The following PFKM variants were observed in gnomAD, a reference collection of about 807,000 sequenced individuals.
PFKM encodes the protein ATP-dependent 6-phosphofructokinase, muscle type.
In PFKM, 58 loss-of-function variants were observed where a neutral mutation model predicts 95.5. The ratio of observed to expected loss-of-function variants is 0.61; its 90% CI spans 0.49 to 0.76. The LOEUF is 0.76. Ranked by LOEUF, PFKM falls within the 30% of genes least tolerant of loss-of-function variation. The pLI is 0.00. For missense variants in PFKM, 678 were observed against 1,005.4 expected (o/e 0.67, Z 4.40); for synonymous variants, 336 against 357.2 (o/e 0.94, Z 0.67).
chr12:48,118,190 T>A (rs1947846628), upstream of PFKM, among the ~76,000 whole-genome samples: 1 of 152,160 alleles, frequency 6.6e-6, no homozygotes, highest in Non-Finnish European at 1.5e-5. Flanking sequence ...CTGAACTAGT[T>A]TTTCAGATTA....
intron 3 of PFKM, among the ~76,000 whole-genome samples, chr12:48,114,047 C>T (rs7302354): frequency 0.19 from 28,379 of 152,016 alleles, 3,246 homozygotes; most frequent in African/African-American, 0.32. Flanking sequence ...CATGTAGTCT[C>T]GCCTAGCTAT....
At chr12:48,140,046 C>A in intron 13 of PFKM, 134 bp downstream of exon 13, 1 of 675,436 alleles carries the variant, frequency 1.5e-6, no homozygotes, top group Non-Finnish European at 2.7e-6. Context: ...AGTGCTGGGT[C>A]CCTGGCCCTA....
At chr12:48,121,183 T>C (rs917580318) in intron 1 of PFKM, among the ~76,000 whole-genome samples, 1 of 152,198 alleles carries the variant, frequency 6.6e-6, no homozygotes, top group Non-Finnish European at 1.5e-5. Flanking sequence ...CAACTATCAC[T>C]GGTCTTAAAT....
At chr12:48,138,100 T>G (rs1033015390) in intron 11 of PFKM, among the ~76,000 whole-genome samples, 1 of 152,190 alleles carries the variant, frequency 6.6e-6, no homozygotes, top group African/African-American at 2.4e-5. Flanking sequence ...TGAAACCCAG[T>G]ATCTCATAAT....
intron 5 of PFKM, 76 bp from the exon 6 acceptor site, chr12:48,133,239 T>C (rs1224680117): frequency 1.6e-5 from 22 of 1,391,708 alleles, no homozygotes; most frequent in Non-Finnish European, 2.1e-5. Context: ...CTAGAGTTTC[T>C]CTCTCTCTAG....
At position 48,134,760 on chromosome 12, in the gene PFKM, C is replaced by A. The variant is rs1949902822; in HGVS notation, c.678C>A (p.Asp226Glu). ...ALVTSLSCGADWVFIPECPPD... is the reference protein window; with the variant it reads ...ALVTSLSCGAEWVFIPECPPD... ...TCACCTCTCTGTCCTGTGGGGCCGACTGGGTTTTTATTCCTGAATGTCCAC... is the reference window on the plus strand; with the variant it reads ...TCACCTCTCTGTCCTGTGGGGCCGAATGGGTTTTTATTCCTGAATGTCCAC... Residue 226 changes from aspartate to glutamate, a missense_variant, in exon 8 of 23, where the codon GAC becomes GAA. Coordinates refer to ENST00000359794, the MANE Select transcript of PFKM (RefSeq NM_000289.6). 1.2e-6 allele frequency: 2 copies of A among 1,614,068 alleles called. No individual in the cohort carries two copies. Among genetic ancestry groups the A allele is most frequent in the African/African-American group, 2.7e-5 (2 of 74,934 alleles).
chr12:48,130,255 A>G (rs1949328894), intron 2 of PFKM, 108 bp from the exon 3 acceptor site: 1 of 806,588 alleles, frequency 1.2e-6, no homozygotes, highest in African/African-American at 1.7e-5. Context: ...AGAAAAGACT[A>G]AATAAAGTAC....
chr12:48,107,542 G>A lies in PFKM; in HGVS notation c.82+87G>A, dbSNP rs1057269996. On this transcript the variant is annotated intron_variant, in intron 2 of 24. Coordinates refer to the PFKM transcript ENST00000340802. ...AATACAGGATGTGAGGCTTTCTAGT[G>A]TAAATACGGATTTTAGGGGTCAACT... 32 of 850,524 alleles carry A rather than the reference G, an allele frequency of 3.8e-5. No individual in the cohort carries two copies. In the African/African-American group the frequency reaches 4.0e-4, roughly 11 times the overall value. 52.7% of individuals were successfully genotyped at this position (850,524 alleles called of 1,614,324 possible).
intron 6 of PFKM, 91 bp downstream of exon 6, chr12:48,133,571 C>A: frequency 1.7e-6 from 2 of 1,177,000 alleles, no homozygotes; most frequent in Non-Finnish European, 2.5e-6. Context: ...AGCGTTTGAG[C>A]TATGGTGACT....
chr12:48,122,000 A>G (rs1292689098), intron 1 of PFKM, among the ~76,000 whole-genome samples: 3 of 152,154 alleles, frequency 2.0e-5, no homozygotes, highest in Non-Finnish European at 4.4e-5. Context: ...AGGTGTTCCC[A>G]TGTCGTATGT....
chr12:48,132,789 C>T (rs920190081), intron 4 of PFKM, 79 bp from the exon 5 acceptor site: 2 of 1,203,754 alleles, frequency 1.7e-6, no homozygotes, highest in Non-Finnish European at 2.4e-6. Flanking sequence ...TTATGTTAGG[C>T]CATCACAGCA....
At chr12:48,130,480 T>C in intron 3 of PFKM, 44 bp downstream of exon 3, 2 of 1,407,368 alleles carry the variant, frequency 1.4e-6, no homozygotes, top group Non-Finnish European at 2.0e-6. Context: ...CTCTGTCTTC[T>C]TCTAAATCTG....
chr12:48,113,310 C>T (rs1367664719), intron 3 of PFKM, among the ~76,000 whole-genome samples: 3 of 152,098 alleles, frequency 2.0e-5, no homozygotes, highest in Non-Finnish European at 4.4e-5. Context: ...AAGAAGGGGA[C>T]GGACTTACCC....
At chr12:48,125,526 C>T in intron 2 of PFKM, 1 of 285,578 alleles carries the variant, frequency 3.5e-6, no homozygotes, top group Non-Finnish European at 6.9e-6. Context: ...GAGGCTGAGG[C>T]AGGAGAATCG....
intron 10 of PFKM, among the ~76,000 whole-genome samples, chr12:48,135,610 T>G (rs1950006846): frequency 6.6e-6 from 1 of 152,158 alleles, no homozygotes; most frequent in South Asian, 2.1e-4. Flanking sequence ...AGGAACAATA[T>G]CTTTTTGTTT....
At chr12:48,116,671 G>A (rs1314984248), upstream of PFKM, among the ~76,000 whole-genome samples, 2 of 152,100 alleles carry the variant, frequency 1.3e-5, no homozygotes, top group African/African-American at 4.8e-5. Context: ...TAGAGACGGG[G>A]TTTCACCATG....
In PFKM at chr12:48,146,386, A is replaced by G. The variant is rs1318491614; in HGVS notation, c.*678A>G. 1 of 153,078 alleles carries G rather than the reference A, an allele frequency of 6.5e-6. No individual in the cohort carries two copies. The highest frequency in any genetic ancestry group is 2.4e-5 in the African/African-American group (1 of 41,460). The allele number at this position is 153,078 out of a possible 1,614,324, so 9.5% of individuals were successfully genotyped here. On this transcript the variant is annotated 3_prime_UTR_variant, in exon 23 of 23. Coordinates refer to ENST00000359794, the MANE Select transcript of PFKM (RefSeq NM_000289.6). ...TCTTTAGTGGGAAGAGAAATTAACA[A>G]TAAATATCAAGCACTGTGGTAGGCA... is the stretch of plus-strand genomic sequence containing the variant.
chr12:48,134,592 G>A (rs1949885836), intron 7 of PFKM, 129 bp from the exon 8 acceptor site: 1 of 782,492 alleles, frequency 1.3e-6, no homozygotes, highest in African/African-American at 1.7e-5. Context: ...TCTTACCCTT[G>A]CCCCACGAAT....
intron 3 of PFKM, among the ~76,000 whole-genome samples, chr12:48,108,412 G>T (rs1946898924): frequency 6.6e-6 from 1 of 151,994 alleles, no homozygotes. Context: ...AGGTGGGGAT[G>T]GATCATCTGG....
Sources: allele counts gnomAD v4.1 joint callset (sites outside exome capture counted in the v4.1 genomes callset), GRCh38; gene constraint gnomAD v4.1.1; transcripts MANE v1.5; gene names NCBI Gene and HGNC (gene_info 2026-07-23, HGNC 2026-07-21).